The following KLRG1 variants were observed in gnomAD, a reference collection of about 807,000 sequenced individuals.
The protein encoded by KLRG1 is killer cell lectin-like receptor subfamily G member 1.
KLRG1 carries 16 observed loss-of-function variants against 21.8 expected under a neutral mutation model. The observed-to-expected ratio is 0.73, with a 90% CI of 0.50 to 1.11. The LOEUF is 1.11. KLRG1 is among the 50% of genes most tolerant of loss of function. The pLI, the probability that KLRG1 is intolerant of heterozygous loss-of-function variation, is 0.00. For synonymous variants in KLRG1, 69 were observed against 75.9 expected (o/e 0.91, Z 0.47); for missense variants, 173 against 218.3 (o/e 0.79, Z 1.31).
chr12:9,192,154 G>A, the KLRG1 span: 1 of 1,550,972 alleles, frequency 6.4e-7, no homozygotes, highest in Non-Finnish European at 8.9e-7. Flanking sequence ...GTAAGGATGT[G>A]TTAGGGGAGC....
chr12:9,026,677 C>CT, the KLRG1 span, among the ~76,000 whole-genome samples: 2 of 151,840 alleles, frequency 1.3e-5, no homozygotes, highest in Non-Finnish European at 2.9e-5. Flanking sequence ...GGGTTTTTTT[C>CT]TTTTTTTCTT....
At chr12:8,983,457 A>G (rs924106093) in intron 1 of KLRG1, among the ~76,000 whole-genome samples, 1 of 138,044 alleles carries the variant, frequency 7.2e-6, no homozygotes, top group Non-Finnish European at 1.5e-5. Flanking sequence ...CTGGAGTGTA[A>G]TGGTGCAATC....
chr12:9,200,811 A>G, the KLRG1 span: 3 of 1,418,322 alleles, frequency 2.1e-6, no homozygotes, highest in Admixed American at 2.1e-5. Context: ...CAACATATCT[A>G]CAGGAAATTC....
the KLRG1 span, among the ~76,000 whole-genome samples, chr12:9,038,794 G>A: frequency 6.6e-6 from 1 of 151,780 alleles, no homozygotes; most frequent in African/African-American, 2.4e-5. Context: ...AGCTACTCGG[G>A]AGGCTGAGAC....
the KLRG1 span, chr12:9,159,928 T>G: frequency 6.3e-7 from 1 of 1,599,014 alleles, no homozygotes; most frequent in Middle Eastern, 1.7e-4. Context: ...GAATAGATTT[T>G]CTTTCTTACC....
chr12:9,201,146 G>A, the KLRG1 span: 3 of 1,511,090 alleles, frequency 2.0e-6, no homozygotes, highest in African/African-American at 4.2e-5. Flanking sequence ...GTGATAATTA[G>A]CATTGCCTCT....
the KLRG1 span, among the ~76,000 whole-genome samples, chr12:9,138,073 A>G: frequency 1.3e-5 from 2 of 152,042 alleles, no homozygotes; most frequent in Non-Finnish European, 2.9e-5. Flanking sequence ...AAGTGGCAAG[A>G]GTGGGCATCA....
chr12:9,102,255 G>A, the KLRG1 span, among the ~76,000 whole-genome samples: 9 of 152,036 alleles, frequency 5.9e-5, no homozygotes, highest in Non-Finnish European at 1.0e-4. Context: ...TTGCTCTGGC[G>A]CCCATGCTGG....
intron 1 of KLRG1, among the ~76,000 whole-genome samples, chr12:8,966,110 G>A (rs1247343479): frequency 6.6e-6 from 1 of 152,100 alleles, no homozygotes; most frequent in Non-Finnish European, 1.5e-5. Flanking sequence ...TTTAATAAAT[G>A]GTGCTGGGAA....
the KLRG1 span, among the ~76,000 whole-genome samples, chr12:9,143,758 A>C: frequency 0.25 from 38,536 of 152,150 alleles, 5,607 homozygotes; most frequent in Admixed American, 0.33. Flanking sequence ...TAAAAAGCCA[A>C]ACACTTTGGC....
intron 1 of KLRG1, among the ~76,000 whole-genome samples, chr12:8,953,437 T>C (rs2137192695): frequency 6.6e-6 from 1 of 152,236 alleles, no homozygotes; most frequent in South Asian, 2.1e-4. Context: ...TAGGTGTATA[T>C]AAAATGGGTG....
At chr12:9,009,405 G>C (rs761160955) in intron 4 of KLRG1, 21 bp from the exon 5 acceptor site, 1 of 1,613,266 alleles carries the variant, frequency 6.2e-7, no homozygotes, top group East Asian at 2.2e-5. Flanking sequence ...TTAAGTGATT[G>C]ACTTTTCTGA....
the KLRG1 span, chr12:9,169,622 T>A: frequency 6.5e-7 from 1 of 1,533,608 alleles, no homozygotes; most frequent in Non-Finnish European, 8.7e-7. Context: ...AAGGCAGAAC[T>A]GTTACTTACT....
At chr12:9,159,963 A>G in the KLRG1 span, 3 of 1,613,710 alleles carry the variant, frequency 1.9e-6, no homozygotes, top group African/African-American at 1.3e-5. Context: ...TTCCTGCCAT[A>G]TCGTTCCCCA....
At chr12:9,139,373 T>G in the KLRG1 span, among the ~76,000 whole-genome samples, 2 of 152,304 alleles carry the variant, frequency 1.3e-5, no homozygotes, top group Admixed American at 1.3e-4. Context: ...AGGATCTGAG[T>G]GCACATGAGA....
chr12:9,068,842 C>T, the KLRG1 span: 7 of 1,585,712 alleles, frequency 4.4e-6, no homozygotes, highest in East Asian at 1.1e-4. Flanking sequence ...TGATTTGACA[C>T]CTGGAAAGCA....
At chr12:9,115,612 A>G in the KLRG1 span, among the ~76,000 whole-genome samples, 1 of 152,244 alleles carries the variant, frequency 6.6e-6, no homozygotes, top group Non-Finnish European at 1.5e-5. Flanking sequence ...GTAAGCAAGT[A>G]ATGAGTAAAC....
rs190343380 is a variant in KLRG1 at position 8,959,323 on chromosome 12, C to A, written c.-156+9087C>A. ...TATTACTATTGTAAAACCTGAAGAACTGGTCTTTGAGACATTTTTCAGATT... is the reference window on the plus strand; with the variant it reads ...TATTACTATTGTAAAACCTGAAGAAATGGTCTTTGAGACATTTTTCAGATT... On this transcript the variant is annotated intron_variant, in intron 1 of 4. Transcript: ENST00000539240. Among the ~76,000 whole-genome samples the A allele has an allele frequency of 1.6e-3, 244 of 152,286 alleles. 2 individuals carry two copies. Among genetic ancestry groups the A allele is most frequent in the Non-Finnish European group, 2.2e-3 (147 of 68,034 alleles).
At chr12:9,098,702 G>T in the KLRG1 span, 8 of 1,612,400 alleles carry the variant, frequency 5.0e-6, no homozygotes, top group East Asian at 1.6e-4. Context: ...GCTGTGACTC[G>T]CAGGTGGGCG....
Sources: allele counts gnomAD v4.1 joint callset (sites outside exome capture counted in the v4.1 genomes callset), GRCh38; gene constraint gnomAD v4.1.1; transcripts MANE v1.5; gene names NCBI Gene and HGNC (gene_info 2026-07-23, HGNC 2026-07-21).